AFDN: variants seen among roughly 807,000 people sequenced by gnomAD.
AFDN encodes afadin, adherens junction formation factor, also known as afadin.
AFDN carries 68 observed loss-of-function variants against 216.6 expected under a neutral mutation model. That is an observed-to-expected ratio of 0.31 (90% CI 0.26 to 0.38). The LOEUF (loss-of-function observed/expected upper bound fraction) is 0.38. Ranked by LOEUF, AFDN falls within the 10% of genes least tolerant of loss-of-function variation. The pLI is 1.00. For synonymous variants in AFDN, 868 were observed against 853.7 expected, an observed-to-expected ratio of 1.02 and a Z score of -0.29; for missense variants, 2,136 against 2,342.0, an observed-to-expected ratio of 0.91 and a Z score of 1.82.
At chr6:167,826,576 G>T (rs1223016903), upstream of AFDN, 9 of 516,026 alleles carry the variant, frequency 1.7e-5, no homozygotes, top group Admixed American at 1.4e-4. Flanking sequence ...TCTGCACCGC[G>T]CGTCCGGACC....
At chr6:167,929,940 G>C (rs925210659) in intron 23 of AFDN, among the ~76,000 whole-genome samples, 4 of 152,242 alleles carry the variant, frequency 2.6e-5, no homozygotes, top group African/African-American at 9.6e-5. Context: ...CATGGCTCAT[G>C]CCTATAATCC....
At chr6:167,834,845 G>A (rs1379720728) in intron 1 of AFDN, among the ~76,000 whole-genome samples, 1 of 151,892 alleles carries the variant, frequency 6.6e-6, no homozygotes, top group Non-Finnish European at 1.5e-5. Flanking sequence ...TAACAAGCAG[G>A]GTGGCACATA....
chr6:167,948,545 CAATT>C (rs1795606364), intron 29 of AFDN, 67 bp downstream of exon 29: 2 of 1,432,458 alleles, frequency 1.4e-6, no homozygotes, highest in African/African-American at 1.4e-5. Context: ...TTCTGAGACA[CAATT>C]AATATTTTCT....
At chr6:167,841,513 C>T (rs967970186) in intron 1 of AFDN, among the ~76,000 whole-genome samples, 7 of 152,038 alleles carry the variant, frequency 4.6e-5, no homozygotes, top group African/African-American at 1.2e-4. Context: ...TACTGTACAA[C>T]GATGTCAGAT....
intron 11 of AFDN, among the ~76,000 whole-genome samples, chr6:167,900,716 A>T (rs1164983029): frequency 6.6e-6 from 1 of 152,210 alleles, no homozygotes; most frequent in Non-Finnish European, 1.5e-5. Context: ...AGAGGAAGTT[A>T]GGGGTGGACA....
At chr6:167,879,348 C>CT (rs1479264406) in intron 5 of AFDN, among the ~76,000 whole-genome samples, 1 of 152,176 alleles carries the variant, frequency 6.6e-6, no homozygotes, top group African/African-American at 2.4e-5. Context: ...TATTCAGTAA[C>CT]TGAAATAACT....
At chr6:167,885,100 C>T (rs753755301) in intron 6 of AFDN, among the ~76,000 whole-genome samples, 8 of 152,226 alleles carry the variant, frequency 5.3e-5, no homozygotes, top group Non-Finnish European at 8.8e-5. Flanking sequence ...CTTCTCACCT[C>T]TCTCAGCCTT....
At position 167,966,062 on chromosome 6, in the gene AFDN, C is replaced by T; in HGVS notation, c.5257+17C>T. 4.5e-6 allele frequency: 7 copies of T among 1,541,030 alleles called. No individual in the cohort carries two copies. The highest frequency in any genetic ancestry group is 6.1e-6 in the Non-Finnish European group (7 of 1,146,900). On this transcript the variant is annotated intron_variant, in intron 32 of 33. Transcript: ENST00000683244. ...GCCTAGCAGGTCAGGATAAGTACTCCAGCACAAGAAAGTCTCATGGGGACC... is the reference window on the plus strand; with the variant it reads ...GCCTAGCAGGTCAGGATAAGTACTCTAGCACAAGAAAGTCTCATGGGGACC...
chr6:167,862,752 T>C (rs1687778752), intron 1 of AFDN, among the ~76,000 whole-genome samples: 1 of 152,228 alleles, frequency 6.6e-6, no homozygotes, highest in Admixed American at 6.5e-5. Flanking sequence ...CTTTGTTTGT[T>C]ACTTGACCCA....
chr6:167,925,365 G>C (rs1792378736), intron 23 of AFDN, among the ~76,000 whole-genome samples: 1 of 152,136 alleles, frequency 6.6e-6, no homozygotes, highest in African/African-American at 2.4e-5. Flanking sequence ...CAATTTAAAG[G>C]CATAGTCAAA....
intron 12 of AFDN, among the ~76,000 whole-genome samples, chr6:167,904,330 T>G (rs1789373696): frequency 6.6e-6 from 1 of 152,022 alleles, no homozygotes; most frequent in Non-Finnish European, 1.5e-5. Flanking sequence ...TGCCTCTGCC[T>G]CCTGCGTAGC....
At position 167,962,358 on chromosome 6, in the gene AFDN, T is replaced by G; in HGVS notation, c.4834-75T>G. On this transcript the variant is annotated intron_variant, in intron 30 of 33. Transcript: ENST00000683244. This position sits in a 1 kb window ranked among gnomAD's most constrained non-coding sequence, Gnocchi z 5.2. Reference sequence around the variant, plus strand: ...TGTGTTTGTGTATATGTGTGTCTACTTGTCTTAATGTGTGCATTTTATGTC... The same window carrying G: ...TGTGTTTGTGTATATGTGTGTCTACGTGTCTTAATGTGTGCATTTTATGTC... The G allele has an allele frequency of 3.1e-6, 5 of 1,588,852 alleles. No individual in the cohort carries two copies. The highest frequency in any genetic ancestry group is 4.3e-6 in the Non-Finnish European group (5 of 1,163,934).
At chr6:167,908,203 A>G (rs1012508078) in intron 13 of AFDN, among the ~76,000 whole-genome samples, 4 of 152,248 alleles carry the variant, frequency 2.6e-5, no homozygotes, top group Non-Finnish European at 5.9e-5. Flanking sequence ...CGACTTGCCC[A>G]GGGTCACCTA....
At chr6:167,963,488 C>T (rs1797238897) in intron 31 of AFDN, 1 of 1,054,076 alleles carries the variant, frequency 9.5e-7, no homozygotes, top group Non-Finnish European at 1.1e-6. Flanking sequence ...GTGTACTGTT[C>T]ACAGAAAAGA....
intron 26 of AFDN, among the ~76,000 whole-genome samples, chr6:167,946,237 G>A (rs1391670988): frequency 6.6e-6 from 1 of 152,242 alleles, no homozygotes; most frequent in Non-Finnish European, 1.5e-5. Flanking sequence ...GAGGGAAGCT[G>A]TGAATAGTAG....
Position 167,951,074 on chromosome 6 carries a change from T to C in AFDN, c.3832-112T>C, listed in dbSNP as rs1433713981. 1.4e-5 allele frequency: 20 copies of C among 1,409,554 alleles called. No individual in the cohort carries two copies. Among genetic ancestry groups the C allele is most frequent in the Non-Finnish European group, 1.8e-5 (19 of 1,075,976 alleles). 87.3% of individuals were successfully genotyped at this position (1,409,554 alleles called of 1,614,324 possible). On this transcript the variant is annotated intron_variant, in intron 29 of 33. Transcript: ENST00000683244. This position sits in a 1 kb window ranked among gnomAD's most constrained non-coding sequence, Gnocchi z 7.1. ...AGCCTTGTAGGGCAGTCTCAGTCTC[T>C]TTCTGTACACTGATTTAACAGTTTT...
intron 29 of AFDN, among the ~76,000 whole-genome samples, chr6:167,950,557 A>G (rs1795858387): frequency 6.6e-6 from 1 of 152,186 alleles, no homozygotes; most frequent in African/African-American, 2.4e-5. Context: ...TTGTCCTTGC[A>G]TTACTGTGCA....
chr6:167,875,230 T>C (rs1785220072), intron 4 of AFDN, 105 bp from the exon 5 acceptor site: 1 of 1,004,078 alleles, frequency 1.0e-6, no homozygotes, highest in South Asian at 1.6e-5. Flanking sequence ...GGTACAGATG[T>C]AGCCAAATAG....
Position 167,875,318 on chromosome 6 carries a change from AT to A in AFDN, c.579-8del, listed in dbSNP as rs369089600. The A allele has an allele frequency of 4.4e-5, 69 of 1,569,664 alleles. No homozygotes were observed. Among genetic ancestry groups the A allele is most frequent in the Middle Eastern group, 1.7e-4 (1 of 5,858 alleles). On this transcript the variant is annotated splice_polypyrimidine_tract_variant and intron_variant, in intron 4 of 33. Transcript: ENST00000683244. ...AAACAGTGTTTAAAATATTTTTGGT[AT>A]TTTTTTTTCTTACAGTGAAAATTCT...
Sources: allele counts gnomAD v4.1 joint callset (sites outside exome capture counted in the v4.1 genomes callset), GRCh38; gene constraint gnomAD v4.1.1; non-coding constraint Gnocchi (gnomAD v3.1); transcripts MANE v1.5; gene names NCBI Gene and HGNC (gene_info 2026-07-23, HGNC 2026-07-21).